EEF1AKMT1: variants seen among roughly 807,000 people sequenced by gnomAD.
EEF1AKMT1 encodes the protein N-6 adenine-specific DNA methyltransferase 2 (putative).
A neutral mutation model predicts 21.0 loss-of-function variants in EEF1AKMT1; 18 were observed. The ratio of observed to expected loss-of-function variants is 0.86; its 90% confidence interval spans 0.59 to 1.27. EEF1AKMT1 has a LOEUF of 1.27. Ranked by LOEUF, EEF1AKMT1 falls within the 50% of genes most tolerant of loss-of-function variation. The pLI is 0.00. For synonymous variants in EEF1AKMT1, 109 were observed against 94.8 expected (o/e 1.15, Z -0.87); for missense variants, 246 against 258.6 (o/e 0.95, Z 0.33).
intron 1 of EEF1AKMT1, among the ~76,000 whole-genome samples, chr13:20,765,521 C>A (rs934387197): frequency 7.1e-6 from 1 of 141,064 alleles, no homozygotes. Context: ...CACACGATTC[C>A]CCTGCCTCAG....
At chr13:20,736,387 A>C (rs2058826203) in intron 3 of EEF1AKMT1, among the ~76,000 whole-genome samples, 1 of 152,144 alleles carries the variant, frequency 6.6e-6, no homozygotes, top group Non-Finnish European at 1.5e-5. Flanking sequence ...GGTTCTAAAA[A>C]CTTCCCTCCT....
rs888373340 is a variant in EEF1AKMT1 at position 20,731,968 on chromosome 13, G to A, written c.381C>T (p.Pro127=). Residue 127 remains proline (P), a synonymous_variant, in exon 4 of 5, where the codon CCC becomes CCT. Coordinates refer to ENST00000382758, the MANE Select transcript of EEF1AKMT1 (RefSeq NM_001318939.2). ...FYDYNNPLDL[P]ERIAAHSFDI... is the part of the protein sequence containing the mutation. ...CAAAACTATGTGCAGCAATTCTTTC[G>A]GGTAAGTCCAATGGATTATTGTAAT... 10 of 1,614,198 alleles carry A rather than the reference G, an allele frequency of 6.2e-6. No individual in the cohort carries two copies. Among genetic ancestry groups the A allele is most frequent in the Admixed American group, 3.3e-5 (2 of 60,012 alleles).
At chr13:20,746,681 G>A (rs1485932691) in intron 2 of EEF1AKMT1, among the ~76,000 whole-genome samples, 5 of 150,076 alleles carry the variant, frequency 3.3e-5, no homozygotes, top group Non-Finnish European at 7.5e-5. Flanking sequence ...AGGGCACAAT[G>A]ATAGATTTTG....
intron 1 of EEF1AKMT1, among the ~76,000 whole-genome samples, chr13:20,768,415 C>G (rs1281133085): frequency 6.6e-6 from 1 of 152,142 alleles, no homozygotes; most frequent in Admixed American, 6.6e-5. Flanking sequence ...TTTTCCAGTC[C>G]AGCTGGTAGA....
intron 3 of EEF1AKMT1, among the ~76,000 whole-genome samples, 183 bp downstream of exon 3, chr13:20,737,540 A>G (rs2058833146): frequency 6.6e-6 from 1 of 152,240 alleles, no homozygotes; most frequent in South Asian, 2.1e-4. Flanking sequence ...TTCCACAATG[A>G]ATAGGTTTCT....
At chr13:20,765,405 GTTTTTTTT>G (rs1171165259) in intron 1 of EEF1AKMT1, among the ~76,000 whole-genome samples, 13 of 58,678 alleles carry the variant, frequency 2.2e-4, no homozygotes, top group Middle Eastern at 0.042. Context: ...CTTCCCTTGG[GTTTTTTTT>G]TTTTTTTTTT....
chr13:20,760,996 T>G lies in EEF1AKMT1; in HGVS notation c.-19-3379A>C, dbSNP rs567606531. 7.2e-5 allele frequency among the ~76,000 whole-genome samples: 11 copies of G among 152,356 alleles called. No individual in the cohort carries two copies. The East Asian group carries it at 1.9e-3, about 27-fold the overall frequency. ...ATCCCATGTATCCTTCCACCTATTTTTCCACAATGGTAGTAACTTATATAA... is the reference window on the plus strand; with the variant it reads ...ATCCCATGTATCCTTCCACCTATTTGTCCACAATGGTAGTAACTTATATAA... On this transcript the variant is annotated intron_variant, in intron 1 of 4. Transcript: ENST00000382758.
chr13:20,754,262 GTTTTTTTTTC>G (rs887234216), intron 2 of EEF1AKMT1, among the ~76,000 whole-genome samples: 10 of 114,688 alleles, frequency 8.7e-5, no homozygotes, highest in South Asian at 5.2e-4. Context: ...TTTGTTGGCA[GTTTTTTTTTC>G]TTTTTTTTTC....
At chr13:20,748,741 T>G (rs1277809158) in intron 2 of EEF1AKMT1, among the ~76,000 whole-genome samples, 2 of 139,210 alleles carry the variant, frequency 1.4e-5, no homozygotes, top group Non-Finnish European at 3.1e-5. Flanking sequence ...TTTTTTTTTT[T>G]TTTTTTGAGA....
intron 2 of EEF1AKMT1, chr13:20,747,414 G>T: frequency 9.1e-6 from 2 of 220,848 alleles, no homozygotes; most frequent in Non-Finnish European, 1.9e-5. Flanking sequence ...ACACAATGGG[G>T]ATGTTTTCAC....
chr13:20,745,849 A>G (rs1192667255), intron 2 of EEF1AKMT1, among the ~76,000 whole-genome samples: 1 of 152,146 alleles, frequency 6.6e-6, no homozygotes, highest in Non-Finnish European at 1.5e-5. Flanking sequence ...CTACATCTCG[A>G]AAAAAATAAA....
chr13:20,750,250 T>C (rs1263476197), intron 2 of EEF1AKMT1, among the ~76,000 whole-genome samples: 1 of 152,176 alleles, frequency 6.6e-6, no homozygotes, highest in Non-Finnish European at 1.5e-5. Flanking sequence ...ATACACTAAT[T>C]GTTAACTATA....
intron 1 of EEF1AKMT1, among the ~76,000 whole-genome samples, chr13:20,767,737 C>T (rs1461901410): frequency 6.6e-6 from 1 of 152,172 alleles, no homozygotes; most frequent in East Asian, 1.9e-4. Context: ...AAGTAATCTT[C>T]TGCTGCCCTT....
chr13:20,732,032 T>C lies in EEF1AKMT1; in HGVS notation c.317A>G (p.Lys106Arg). 6.2e-7 allele frequency: 1 copy of C among 1,614,226 alleles called. No homozygotes were observed. Among genetic ancestry groups the C allele is most frequent in the Non-Finnish European group, 8.5e-7 (1 of 1,180,048 alleles). Reference sequence around the variant, plus strand: ...CTCCTCTCCATACATGGCAAATCTTTTGTCATATTCAAAGATGTATATCGA... The same window carrying C: ...CTCCTCTCCATACATGGCAAATCTTCTGTCATATTCAAAGATGTATATCGA... Reference protein sequence around the residue: ...NFSIYIFEYDKRFAMYGEEFI... With the variant: ...NFSIYIFEYDRRFAMYGEEFI... The change falls in exon 4 of 5, where the codon AAA becomes AGA. Residue 106 changes from lysine to arginine, a missense_variant. Physicochemically the swap from Lys to Arg is conservative, Grantham distance 26. Transcript: ENST00000382758.
intron 2 of EEF1AKMT1, among the ~76,000 whole-genome samples, chr13:20,743,248 G>T (rs2058882576): frequency 6.6e-6 from 1 of 151,920 alleles, no homozygotes; most frequent in South Asian, 2.1e-4. Context: ...TGTATTTTTA[G>T]TAGAGAGGAG....
intron 2 of EEF1AKMT1, among the ~76,000 whole-genome samples, chr13:20,740,602 A>T (rs1334602355): frequency 6.6e-6 from 1 of 152,190 alleles, no homozygotes; most frequent in African/African-American, 2.4e-5. Flanking sequence ...CAGGAGTTGG[A>T]GCCAGCCCAG....
chr13:20,750,206 C>T (rs576788659), intron 2 of EEF1AKMT1, among the ~76,000 whole-genome samples: 5 of 152,246 alleles, frequency 3.3e-5, no homozygotes, highest in East Asian at 3.9e-4. Flanking sequence ...GGGAACATTT[C>T]AAGTCCTCTC....
At chr13:20,738,641 T>A (rs1383649381) in intron 2 of EEF1AKMT1, among the ~76,000 whole-genome samples, 1 of 152,194 alleles carries the variant, frequency 6.6e-6, no homozygotes, top group East Asian at 1.9e-4. Context: ...AATGAAATAT[T>A]ATTTGGCCAT....
In EEF1AKMT1 at chr13:20,728,834, A is replaced by G. The variant is rs1460355728; in HGVS notation, c.*246T>C. 1 of 527,976 alleles carries G rather than the reference A, an allele frequency of 1.9e-6. No homozygotes were observed. Among genetic ancestry groups the G allele is most frequent in the Non-Finnish European group, 3.4e-6 (1 of 293,788 alleles). The allele number at this position is 527,976 out of a possible 1,614,324, so 32.7% of individuals were successfully genotyped here. A position where few individuals can be genotyped will look rare whatever the true frequency, so the allele number is the denominator to read the frequency against. ...TACACATGTTAAATGAGGAGAGAAG[A>G]TCAGGCAGATTCTAAGGTTTCTTCC... On this transcript the variant is annotated 3_prime_UTR_variant, in exon 5 of 5. Transcript: ENST00000382758.
Sources: allele counts gnomAD v4.1 joint callset (sites outside exome capture counted in the v4.1 genomes callset), GRCh38; gene constraint gnomAD v4.1.1; transcripts MANE v1.5; gene names NCBI Gene and HGNC (gene_info 2026-07-23, HGNC 2026-07-21).